CADM2: variants seen among roughly 807,000 people sequenced by gnomAD.
CADM2 encodes immunoglobulin superfamily member 4D.
CADM2 carries 12 observed loss-of-function variants against 49.8 expected under a neutral mutation model. That is an observed-to-expected ratio of 0.24 (90% CI 0.15 to 0.39). The LOEUF (loss-of-function observed/expected upper bound fraction) is 0.39, where lower values mean the gene tolerates loss of function less well. CADM2 is among the 10% of genes least tolerant of loss of function. The pLI, the probability that CADM2 is intolerant of heterozygous loss-of-function variation, is 1.00. For missense variants in CADM2, 378 were observed against 492.3 expected, an observed-to-expected ratio of 0.77 and a Z score of 2.20; for synonymous variants, 214 against 175.4, an observed-to-expected ratio of 1.22 and a Z score of -1.74.
intron 1 of CADM2, among the ~76,000 whole-genome samples, chr3:85,178,705 CGTT>C (rs994477087): frequency 6.6e-6 from 1 of 151,630 alleles, no homozygotes; most frequent in South Asian, 2.1e-4. Context: ...AACTACTTGG[CGTT>C]GTTTTTTGAA....
intron 1 of CADM2, among the ~76,000 whole-genome samples, chr3:85,245,908 C>A (rs914108028): frequency 3.9e-5 from 6 of 152,168 alleles, no homozygotes; most frequent in African/African-American, 1.4e-4. Flanking sequence ...AGTAGTTAAT[C>A]AAATACCAAA....
chr3:85,248,810 G>C (rs1376498375), intron 1 of CADM2, among the ~76,000 whole-genome samples: 1 of 152,090 alleles, frequency 6.6e-6, no homozygotes, highest in Non-Finnish European at 1.5e-5. Flanking sequence ...ATAAAAACTT[G>C]CTTCATTTGA....
At chr3:85,356,315 GA>G (rs917052240) in intron 1 of CADM2, among the ~76,000 whole-genome samples, 7 of 152,042 alleles carry the variant, frequency 4.6e-5, no homozygotes, top group African/African-American at 1.7e-4. Context: ...AAAACATAAA[GA>G]AAAAAATACT....
chr3:85,898,955 ATT>A lies in CADM2; in HGVS notation c.529+12655_529+12656del, dbSNP rs35857247. 3.2e-4 allele frequency among the ~76,000 whole-genome samples: 11 copies of A among 33,898 alleles called. No homozygotes were observed. In the East Asian group the frequency reaches 4.4e-3, roughly 14 times the overall value. 22.2% of individuals were successfully genotyped at this position (33,898 alleles called of 152,430 possible). ...TTATTGTGTATATATATATATATAT[ATT>A]TTTTTTTTTTTTTTTTTTTTTTTTT... On this transcript the variant is annotated intron_variant, in intron 5 of 9. Transcript: ENST00000383699.
chr3:84,988,546 G>C (rs922162037), intron 1 of CADM2, among the ~76,000 whole-genome samples: 7 of 152,180 alleles, frequency 4.6e-5, no homozygotes, highest in Non-Finnish European at 8.8e-5. Context: ...TTCACTTTGA[G>C]TAAATTCTTA....
At chr3:85,267,359 C>T (rs2043144482) in intron 1 of CADM2, among the ~76,000 whole-genome samples, 1 of 151,468 alleles carries the variant, frequency 6.6e-6, no homozygotes, top group Non-Finnish European at 1.5e-5. Context: ...CACTCTTGCT[C>T]ATTTAAAAAA....
intron 3 of CADM2, among the ~76,000 whole-genome samples, chr3:85,840,096 T>C (rs2074576742): frequency 6.6e-6 from 1 of 151,902 alleles, no homozygotes; most frequent in African/African-American, 2.4e-5. Context: ...ACATGCGTCC[T>C]TTTTTGACAG....
intron 3 of CADM2, among the ~76,000 whole-genome samples, chr3:85,808,680 C>CT (rs1018127432): frequency 6.6e-6 from 1 of 152,048 alleles, no homozygotes; most frequent in Admixed American, 6.6e-5. Context: ...AAATACATGA[C>CT]TTTTTTGTGA....
Position 85,835,100 on chromosome 3 carries a change from A to G in CADM2, c.238+32904A>G, listed in dbSNP as rs114616854. 2.5e-3 allele frequency among the ~76,000 whole-genome samples: 383 copies of G among 151,692 alleles called. 1 individual carries two copies. Among genetic ancestry groups the G allele is most frequent in the African/African-American group, 8.9e-3 (371 of 41,498 alleles). On this transcript the variant is annotated intron_variant, in intron 3 of 9. Coordinates refer to ENST00000383699, the MANE Select transcript of CADM2 (RefSeq NM_001167675.2). ...AAAGAAATGTGTAACTTCTTGATGGACATCCAACTTGCAGTGAACAATGCA... is the reference window on the plus strand; with the variant it reads ...AAAGAAATGTGTAACTTCTTGATGGGCATCCAACTTGCAGTGAACAATGCA...
At chr3:85,655,406 G>A (rs1359159474) in intron 1 of CADM2, among the ~76,000 whole-genome samples, 2 of 151,732 alleles carry the variant, frequency 1.3e-5, no homozygotes, top group Admixed American at 6.6e-5. Flanking sequence ...TGATCCACCC[G>A]CCTCAACCTC....
At position 85,809,790 on chromosome 3, in the gene CADM2, C is replaced by CTCTCTCTTTCTT. The variant is rs1553690315; in HGVS notation, c.238+7597_238+7598insCTCTTTCTTTCT. On this transcript the variant is annotated intron_variant, in intron 3 of 9. Transcript: ENST00000383699. ...TCTCTCTCTCTCTCTCTCTCTCTCT[C>CTCTCTCTTTCTT]TCTTTCTTTCTTTCTTTCTTTCTGT... Among the ~76,000 whole-genome samples, 9 of 98,888 alleles carry CTCTCTCTTTCTT rather than the reference C, an allele frequency of 9.1e-5. 1 individual carries two copies. Among genetic ancestry groups the CTCTCTCTTTCTT allele is most frequent in the African/African-American group, 4.2e-4 (9 of 21,666 alleles). The allele number at this position is 98,888 out of a possible 152,430, so 64.9% of individuals were successfully genotyped here. A position where few individuals can be genotyped will look rare whatever the true frequency, so the allele number is the denominator to read the frequency against.
At chr3:84,961,232 C>T (rs1007570329) in intron 1 of CADM2, among the ~76,000 whole-genome samples, 1 of 152,080 alleles carries the variant, frequency 6.6e-6, no homozygotes, top group Admixed American at 6.5e-5. Context: ...TCTCTCCTGC[C>T]CTCCTCCGGG....
chr3:85,611,648 A>G (rs1428884184), intron 1 of CADM2, among the ~76,000 whole-genome samples: 1 of 151,872 alleles, frequency 6.6e-6, no homozygotes, highest in East Asian at 1.9e-4. Context: ...GAGGCTTAAC[A>G]TAGACCCACT....
intron 2 of CADM2, chr3:85,800,348 G>A (rs946727959): frequency 6.6e-6 from 1 of 152,364 alleles, no homozygotes; most frequent in African/African-American, 2.4e-5. Flanking sequence ...CCACTGAGAA[G>A]ACCTCTTGGC....
chr3:85,042,122 C>G (rs563851649), intron 1 of CADM2, among the ~76,000 whole-genome samples: 2 of 152,162 alleles, frequency 1.3e-5, no homozygotes, highest in African/African-American at 4.8e-5. Flanking sequence ...TCTCCAGCGT[C>G]TCTCCATTCT....
chr3:85,665,216 C>G (rs1371468547), intron 1 of CADM2, among the ~76,000 whole-genome samples: 3 of 151,830 alleles, frequency 2.0e-5, no homozygotes, highest in Non-Finnish European at 4.4e-5. Context: ...AAAATAATCA[C>G]TTTATCATAT....
Position 85,147,619 on chromosome 3 carries a change from G to A in CADM2, c.61+187951G>A, listed in dbSNP as rs142460260. 2.9e-4 allele frequency among the ~76,000 whole-genome samples: 44 copies of A among 151,962 alleles called. No homozygotes were observed. In the East Asian group the frequency reaches 8.1e-3, roughly 28 times the overall value. On this transcript the variant is annotated intron_variant, in intron 1 of 9. Transcript: ENST00000383699. ...TTCTTAATCATGCAATTTCTGAACCGTTCATAGTCTTCATAGATATGTATT... is the reference window on the plus strand; with the variant it reads ...TTCTTAATCATGCAATTTCTGAACCATTCATAGTCTTCATAGATATGTATT...
chr3:85,327,591 A>ACACACACACACACAC (rs2044790410), intron 1 of CADM2, among the ~76,000 whole-genome samples: 2 of 127,246 alleles, frequency 1.6e-5, no homozygotes, highest in Non-Finnish European at 3.3e-5. Context: ...CACACACACC[A>ACACACACACACACAC]CACACACACA....
At chr3:85,613,252 A>C (rs2107458485) in intron 1 of CADM2, among the ~76,000 whole-genome samples, 1 of 151,902 alleles carries the variant, frequency 6.6e-6, no homozygotes, top group East Asian at 1.9e-4. Context: ...TTTAAAATAA[A>C]AGATATATAC....
Sources: allele counts gnomAD v4.1 joint callset (sites outside exome capture counted in the v4.1 genomes callset), GRCh38; gene constraint gnomAD v4.1.1; transcripts MANE v1.5; gene names NCBI Gene and HGNC (gene_info 2026-07-23, HGNC 2026-07-21).